Variants in SH3KBP1 observed in about 807,000 individuals in gnomAD.
The protein encoded by SH3KBP1 is SH3 domain-containing kinase-binding protein 1.
A neutral mutation model predicts 50.1 loss-of-function variants in SH3KBP1; 8 were observed. The ratio of observed to expected loss-of-function variants is 0.16; its 90% CI spans 0.09 to 0.29. SH3KBP1 has a LOEUF of 0.29. Among genes scored for constraint, SH3KBP1 ranks in the 10% least tolerant of loss-of-function variants. The pLI is 1.00. For synonymous variants in SH3KBP1, 227 were observed against 218.6 expected (o/e 1.04, Z -0.34); for missense variants, 377 against 535.2 (o/e 0.70, Z 2.92).
At chrX:19,864,786 G>A (rs781006171) in intron 1 of SH3KBP1, among the ~76,000 whole-genome samples, 1 of 112,266 alleles carries the variant, frequency 8.9e-6, no homozygotes, top group South Asian at 3.7e-4. Context: ...AATAGGAAAC[G>A]AATATACCTG....
chrX:19,771,325 C>G lies in SH3KBP1; in HGVS notation c.163-24884G>C, dbSNP rs1476244747. 2.7e-5 allele frequency among the ~76,000 whole-genome samples: 3 copies of G among 111,422 alleles called. No homozygotes were observed. In the East Asian group the frequency reaches 8.4e-4, roughly 31 times the overall value. ...ACAATTGGGGCAGTATAAGGTAGGT[C>G]TATGTGCTTTCAAAGTTGGCTACTG... On this transcript the variant is annotated intron_variant, in intron 2 of 17. Transcript: ENST00000397821.
At position 19,694,945 on chromosome X, in the gene SH3KBP1, C is replaced by A. The variant is rs747779693; in HGVS notation, c.520+667G>T. 3.8e-6 allele frequency: 4 copies of A among 1,061,184 alleles called. No individual in the cohort carries two copies. The African/African-American group carries it at 5.6e-5, about 15-fold the overall frequency. 87.5% of individuals were successfully genotyped at this position (1,061,184 alleles called of 1,213,427 possible). On this transcript the variant is annotated intron_variant, in intron 5 of 17. Transcript: ENST00000397821. ...CAAGACAGCACAAGAGATACACAGA[C>A]GCCCACAGTTGGGTTAGTGACTGGG... is the stretch of plus-strand genomic sequence containing the variant.
intron 8 of SH3KBP1, among the ~76,000 whole-genome samples, chrX:19,609,882 G>A (rs894990718): frequency 8.9e-6 from 1 of 112,134 alleles, no homozygotes; most frequent in African/African-American, 3.2e-5. Context: ...TTGAATTACT[G>A]TAGAACAGGA....
chrX:19,683,964 A>G lies in SH3KBP1; in HGVS notation c.585T>C (p.Gly195=). 8.3e-7 allele frequency: 1 copy of G among 1,211,236 alleles called. No homozygotes were observed. Among genetic ancestry groups the G allele is most frequent in the Non-Finnish European group, 1.1e-6 (1 of 895,266 alleles). Residue 195 remains glycine (G), a synonymous_variant, in exon 6 of 18, where the codon GGT becomes GGC. Transcript: ENST00000397821. ...CTGCAGTTGCCACTGTCCCGTTGGC[A>G]CCTTCAGACTTGGTGCTGCTTGAGT... ...GGDSSSTKSE[G]ANGTVATAAI...
At chrX:19,743,567 T>A (rs1242430120) in intron 3 of SH3KBP1, among the ~76,000 whole-genome samples, 1 of 112,382 alleles carries the variant, frequency 8.9e-6, no homozygotes, top group Admixed American at 9.4e-5. Flanking sequence ...AACTAAGGTT[T>A]CCATAGCCCT....
In SH3KBP1 at chrX:19,542,044, G is replaced by A. The variant is rs199710100; in HGVS notation, c.1773C>T (p.Phe591=). The A allele has an allele frequency of 6.7e-5, 81 of 1,210,357 alleles. No individual in the cohort carries two copies. The Admixed American group carries it at 1.3e-3, about 19-fold the overall frequency. ...AGHRANSPSL[F]GTEGKPKMEP... is the part of the protein sequence containing the mutation. ...CCATCTTTGGTTTTCCTTCCGTGCCGAACAGAGACGGGGAGTTGGCTCTGT... is the reference window on the plus strand; with the variant it reads ...CCATCTTTGGTTTTCCTTCCGTGCCAAACAGAGACGGGGAGTTGGCTCTGT... The change falls in exon 16 of 18, where the codon TTC becomes TTT. Residue 591 remains phenylalanine (F), a synonymous_variant. Coordinates refer to ENST00000397821, the MANE Select transcript of SH3KBP1 (RefSeq NM_031892.3).
At chrX:19,720,873 T>C (rs1006173461) in intron 3 of SH3KBP1, among the ~76,000 whole-genome samples, 3 of 111,082 alleles carry the variant, frequency 2.7e-5, no homozygotes, top group Admixed American at 9.6e-5. Context: ...CTGGGAGGTA[T>C]GTGTGTGTGG....
chrX:19,638,341 C>T (rs1411098881), intron 7 of SH3KBP1, among the ~76,000 whole-genome samples: 2 of 97,903 alleles, frequency 2.0e-5, no homozygotes, highest in South Asian at 5.4e-4. Context: ...ACCCAGGAGG[C>T]GGAGCTTGCA....
intron 5 of SH3KBP1, among the ~76,000 whole-genome samples, chrX:19,687,269 G>A (rs1014748880): frequency 8.9e-6 from 1 of 112,563 alleles, no homozygotes; most frequent in Non-Finnish European, 1.9e-5. Context: ...ATCTCTGCAG[G>A]AAGCCATCTT....
chrX:19,540,561 AG>A (rs2064854927), intron 16 of SH3KBP1, among the ~76,000 whole-genome samples: 1 of 111,442 alleles, frequency 9.0e-6, no homozygotes, highest in Non-Finnish European at 1.9e-5. Flanking sequence ...AAAACACATT[AG>A]GGCCCTCAAG....
At chrX:19,858,447 C>A (rs1051310751) in intron 1 of SH3KBP1, among the ~76,000 whole-genome samples, 1 of 110,771 alleles carries the variant, frequency 9.0e-6, no homozygotes, top group Admixed American at 9.6e-5. Context: ...ATAGTGAGAT[C>A]CCATCTCTAC....
chrX:19,742,921 T>C (rs16981260), intron 3 of SH3KBP1, among the ~76,000 whole-genome samples: 22,131 of 111,292 alleles, frequency 0.2, 1,814 homozygotes, highest in African/African-American at 0.29. Flanking sequence ...CGACTTCTTA[T>C]TCCTCAGGAA....
intron 1 of SH3KBP1, among the ~76,000 whole-genome samples, chrX:19,880,344 G>T (rs910887692): frequency 2.0e-4 from 23 of 112,213 alleles, no homozygotes; most frequent in Admixed American, 1.0e-3. Context: ...GGGTGAAAGG[G>T]TTACATGTTC....
intron 9 of SH3KBP1, among the ~76,000 whole-genome samples, chrX:19,607,416 C>T (rs1407159975): frequency 1.8e-5 from 2 of 112,444 alleles, no homozygotes; most frequent in Non-Finnish European, 1.9e-5. Flanking sequence ...TGGGCTCCCA[C>T]AACAAAAGAG....
At chrX:19,612,962 G>T (rs1192100936) in intron 8 of SH3KBP1, among the ~76,000 whole-genome samples, 1 of 112,150 alleles carries the variant, frequency 8.9e-6, no homozygotes, top group Non-Finnish European at 1.9e-5. Context: ...TCATGGAAGA[G>T]AATATACAGG....
intron 1 of SH3KBP1, among the ~76,000 whole-genome samples, chrX:19,845,914 A>G (rs901505622): frequency 1.8e-5 from 2 of 111,578 alleles, no homozygotes; most frequent in African/African-American, 3.3e-5. Flanking sequence ...CTGGCCCGAT[A>G]TTCTTATTTA....
chrX:19,826,691 AT>A (rs2067686070), intron 2 of SH3KBP1, among the ~76,000 whole-genome samples: 12 of 45,147 alleles, frequency 2.7e-4, no homozygotes, highest in African/African-American at 1.4e-3. Context: ...TCTAAATAAC[AT>A]AACATAACAT....
At chrX:19,670,848 A>C (rs1256901380) in intron 6 of SH3KBP1, 1 of 1,140,363 alleles carries the variant, frequency 8.8e-7, no homozygotes, top group Admixed American at 2.7e-5. Context: ...GCAAAAAAAA[A>C]AAAAAAGAAA....
At chrX:19,554,379 A>G (rs1365479490) in intron 13 of SH3KBP1, among the ~76,000 whole-genome samples, 1 of 97,173 alleles carries the variant, frequency 1.0e-5, no homozygotes, top group Non-Finnish European at 2.0e-5. Context: ...AAAATATAAT[A>G]TATATCATAT....
Sources: allele counts gnomAD v4.1 joint callset (sites outside exome capture counted in the v4.1 genomes callset), GRCh38; gene constraint gnomAD v4.1.1; transcripts MANE v1.5; gene names NCBI Gene and HGNC (gene_info 2026-07-23, HGNC 2026-07-21).